Variants in OTOF observed in about 807,000 individuals in gnomAD.
The protein encoded by OTOF is fer-1-like family member 2.
A neutral mutation model predicts 236.8 loss-of-function variants in OTOF; 218 were observed. That is an observed-to-expected ratio of 0.92 (90% CI 0.82 to 1.03). The LOEUF (loss-of-function observed/expected upper bound fraction) is 1.03, where lower values mean the gene tolerates loss of function less well. Ranked by LOEUF, OTOF falls within the 50% of genes least tolerant of loss-of-function variation. OTOF has a pLI of 0.00. For missense variants in OTOF, 2,590 were observed against 2,694.4 expected, an observed-to-expected ratio of 0.96 and a Z score of 0.86; for synonymous variants, 1,041 against 1,072.5, an observed-to-expected ratio of 0.97 and a Z score of 0.57.
intron 8 of OTOF, among the ~76,000 whole-genome samples, chr2:26,496,199 A>C (rs1283899619): frequency 6.6e-6 from 1 of 151,230 alleles, no homozygotes; most frequent in African/African-American, 2.4e-5. Context: ...GATTGCAACA[A>C]ATTCTTCCTT....
chr2:26,481,165 C>T (rs1400662325), intron 14 of OTOF, among the ~76,000 whole-genome samples, 156 bp from the exon 15 acceptor site: 2 of 152,130 alleles, frequency 1.3e-5, no homozygotes, highest in South Asian at 2.1e-4. Context: ...TCTTACACTG[C>T]GCTGGGGTGG....
intron 41 of OTOF, among the ~76,000 whole-genome samples, chr2:26,463,157 T>G (rs539151346): frequency 6.6e-6 from 1 of 152,272 alleles, no homozygotes; most frequent in Admixed American, 6.5e-5. Flanking sequence ...TGTGTGTGTG[T>G]GCATGAGATG....
At chr2:26,500,917 T>C (rs1666101432) in intron 8 of OTOF, among the ~76,000 whole-genome samples, 1 of 152,122 alleles carries the variant, frequency 6.6e-6, no homozygotes, top group Admixed American at 6.5e-5. Context: ...CTGGTGCTGA[T>C]ACCCAGACCG....
intron 36 of OTOF, 51 bp downstream of exon 36, chr2:26,466,663 A>G: frequency 1.2e-6 from 2 of 1,609,546 alleles, no homozygotes; most frequent in Non-Finnish European, 1.7e-6. Flanking sequence ...GCTCTCTCCC[A>G]GATGGGAGGA....
intron 2 of OTOF, among the ~76,000 whole-genome samples, chr2:26,531,921 C>T (rs567683688): frequency 1.3e-5 from 2 of 151,864 alleles, no homozygotes; most frequent in Non-Finnish European, 2.9e-5. Flanking sequence ...TGGTGAAACA[C>T]GGTCTCTACT....
In OTOF at chr2:26,474,063, C is replaced by T; in HGVS notation, c.3336G>A (p.Val1112=). ...KADLPPINGP[V]DVDRGPIMPV... Reference sequence around the variant, plus strand: ...GCATGATGGGACCTCGGTCCACGTCCACCGGGCCATTGATGGGGGGCAGGT... The same window carrying T: ...GCATGATGGGACCTCGGTCCACGTCTACCGGGCCATTGATGGGGGGCAGGT... Residue 1112 remains valine, a synonymous_variant, in exon 27 of 47, where the codon GTG becomes GTA. Transcript: ENST00000272371. The T allele has an allele frequency of 6.2e-7, 1 of 1,612,992 alleles. No homozygotes were observed. The highest frequency in any genetic ancestry group is 2.2e-5 in the East Asian group (1 of 44,880).
At chr2:26,531,477 G>A (rs4665869) in intron 2 of OTOF, among the ~76,000 whole-genome samples, 1 of 151,924 alleles carries the variant, frequency 6.6e-6, no homozygotes, top group Non-Finnish European at 1.5e-5. Context: ...GACACAGCAC[G>A]GCAGAATGTG....
chr2:26,474,260 C>A, intron 26 of OTOF, 150 bp from the exon 27 acceptor site: 1 of 1,125,034 alleles, frequency 8.9e-7, no homozygotes, highest in South Asian at 1.5e-5. Flanking sequence ...AGAGAGGCCC[C>A]TAGGCCCCAG....
intron 2 of OTOF, among the ~76,000 whole-genome samples, chr2:26,535,958 C>T (rs895108941): frequency 6.6e-6 from 1 of 152,242 alleles, no homozygotes; most frequent in Non-Finnish European, 1.5e-5. Flanking sequence ...CATCAGGTTG[C>T]CCCCTGGCTG....
At chr2:26,489,401 A>G in intron 10 of OTOF, 106 bp from the exon 11 acceptor site, 1 of 878,528 alleles carries the variant, frequency 1.1e-6, no homozygotes, top group Non-Finnish European at 1.8e-6. Flanking sequence ...GGGCGTTGGC[A>G]GAGTGGGGTG....
rs753580324 is a variant in OTOF at position 26,461,763 on chromosome 2, G to C, written c.5466C>G (p.Tyr1822Ter). 3.1e-6 allele frequency: 5 copies of C among 1,614,170 alleles called. No individual in the cohort carries two copies. The highest frequency in any genetic ancestry group is 4.2e-6 in the Non-Finnish European group (5 of 1,180,032). The change falls in exon 43 of 47, where the codon TAC (tyrosine) becomes TAG (stop). Residue 1822 changes from tyrosine to a stop codon, truncating the protein, a stop_gained. Coordinates refer to ENST00000272371, the MANE Select transcript of OTOF (RefSeq NM_194248.3). LOFTEE classifies it high-confidence loss of function. The surrounding 1 kb of genome is among the most constrained non-coding windows in gnomAD (Gnocchi z 6.2). ...ESMFSWDETE[Y>*]KIPARLTLQI... ...GCAGGGTGAGCCGCGCGGGGATCTTGTACTCGGTCTCGTCCCAGGAGAACA... is the reference window on the plus strand; with the variant it reads ...GCAGGGTGAGCCGCGCGGGGATCTTCTACTCGGTCTCGTCCCAGGAGAACA...
chr2:26,504,729 A>G (rs1666205338), intron 5 of OTOF, among the ~76,000 whole-genome samples: 1 of 152,166 alleles, frequency 6.6e-6, no homozygotes, highest in Non-Finnish European at 1.5e-5. Context: ...TCCTGGCACC[A>G]GGAAGCCCCA....
chr2:26,516,917 C>T (rs1455783251), intron 4 of OTOF, among the ~76,000 whole-genome samples: 1 of 152,182 alleles, frequency 6.6e-6, no homozygotes, highest in Non-Finnish European at 1.5e-5. Context: ...CCCCCCGAGT[C>T]CACTGTCTAC....
At chr2:26,479,190 T>A in intron 18 of OTOF, 74 bp downstream of exon 18, 1 of 540,194 alleles carries the variant, frequency 1.9e-6, no homozygotes, top group Non-Finnish European at 2.3e-6. Flanking sequence ...GCTTTGTGTG[T>A]TCCAGGGAAG....
chr2:26,513,328 A>C lies in OTOF; in HGVS notation c.509+3090T>G, dbSNP rs557386968. On this transcript the variant is annotated intron_variant, in intron 5 of 46. Coordinates refer to ENST00000272371, the MANE Select transcript of OTOF (RefSeq NM_194248.3). ...ATGAATGTGGGTGAAGTCCCAGAGA[A>C]GCAGGCCAGGCAGGGCAGGGCTGGG... Among the ~76,000 whole-genome samples, 11 of 152,290 alleles carry C rather than the reference A, an allele frequency of 7.2e-5. No homozygotes were observed. The South Asian group carries it at 2.3e-3, about 32-fold the overall frequency.
chr2:26,509,487 G>T (rs1329765621), intron 5 of OTOF, among the ~76,000 whole-genome samples: 2 of 152,200 alleles, frequency 1.3e-5, no homozygotes, highest in African/African-American at 4.8e-5. Context: ...GCTTTTGCTT[G>T]TGCGTAACAA....
intron 30 of OTOF, chr2:26,472,233 C>T (rs1665020086): frequency 4.2e-6 from 2 of 473,892 alleles, no homozygotes; most frequent in Non-Finnish European, 7.9e-6. Context: ...CGCATGCACG[C>T]ACAAATGCAC....
chr2:26,493,070 T>C (rs1192757141), intron 9 of OTOF, among the ~76,000 whole-genome samples: 1 of 152,118 alleles, frequency 6.6e-6, no homozygotes, highest in Non-Finnish European at 1.5e-5. Context: ...CATAGATGCT[T>C]ATCTAGGCGG....
intron 3 of OTOF, among the ~76,000 whole-genome samples, chr2:26,520,420 TAAA>T (rs1288230097): frequency 6.6e-6 from 1 of 152,136 alleles, no homozygotes; most frequent in Non-Finnish European, 1.5e-5. Context: ...ATTGATTTTT[TAAA>T]AATCTTCCCA....
Sources: allele counts gnomAD v4.1 joint callset (sites outside exome capture counted in the v4.1 genomes callset), GRCh38; gene constraint gnomAD v4.1.1; non-coding constraint Gnocchi (gnomAD v3.1); transcripts MANE v1.5; gene names NCBI Gene and HGNC (gene_info 2026-07-23, HGNC 2026-07-21).